ANKRD11: variants seen among roughly 807,000 people sequenced by gnomAD.
ANKRD11 encodes the protein ankyrin repeat domain 11, also known as ankyrin repeat domain-containing protein 11.
In ANKRD11, 17 loss-of-function variants were observed where a neutral mutation model predicts 195.7. The ratio of observed to expected loss-of-function variants is 0.09; its 90% CI spans 0.06 to 0.13. The LOEUF (loss-of-function observed/expected upper bound fraction) is 0.13. Ranked by LOEUF, ANKRD11 falls within the 10% of genes least tolerant of loss-of-function variation. The pLI, the probability that ANKRD11 is intolerant of heterozygous loss-of-function variation, is 1.00. For missense variants in ANKRD11, 3,735 were observed against 3,566.1 expected (o/e 1.05, Z -1.21); for synonymous variants, 1,953 against 1,528.1 (o/e 1.28, Z -6.49).
At chr16:89,483,925 T>G (rs1452958913) in intron 1 of ANKRD11, among the ~76,000 whole-genome samples, 1 of 152,188 alleles carries the variant, frequency 6.6e-6, no homozygotes, top group Non-Finnish European at 1.5e-5. Context: ...CAAAAATATC[T>G]ATGTATGTAA....
intron 1 of ANKRD11, among the ~76,000 whole-genome samples, chr16:89,486,164 A>G (rs1201418091): frequency 6.6e-6 from 1 of 152,236 alleles, no homozygotes; most frequent in Non-Finnish European, 1.5e-5. Context: ...AATGAAAACA[A>G]AAGGGGGCTG....
chr16:89,433,918 G>A (rs1308102885), intron 1 of ANKRD11, among the ~76,000 whole-genome samples: 1 of 152,192 alleles, frequency 6.6e-6, no homozygotes, highest in African/African-American at 2.4e-5. Flanking sequence ...ATCGACATCT[G>A]GTATTAACAT....
At position 89,283,523 on chromosome 16, in the gene ANKRD11, G is replaced by C. The variant is rs752918694; in HGVS notation, c.3019C>G (p.Arg1007Gly). 2.4e-5 allele frequency: 38 copies of C among 1,612,704 alleles called. No individual in the cohort carries two copies. The highest frequency in any genetic ancestry group is 3.1e-5 in the Non-Finnish European group (37 of 1,179,970). ...GGGCCATCCTTCTTCTCCTTCTCTCGTGCTGGGTGGTGCCGTTCCCACGGC... is the reference window on the plus strand; with the variant it reads ...GGGCCATCCTTCTTCTCCTTCTCTCCTGCTGGGTGGTGCCGTTCCCACGGC... ...LEPWERHHPA[R>G]EKEKKDGPDK... is the part of the protein sequence containing the mutation. The change falls in exon 9 of 13, where the codon CGA becomes GGA. Residue 1007 changes from arginine to glycine, a missense_variant. Arg to Gly is a moderately radical substitution (Grantham distance 125). Transcript: ENST00000301030. The surrounding 1 kb of genome is among the most constrained non-coding windows in gnomAD (Gnocchi z 4.3).
chr16:89,401,223 C>T (rs926001651), intron 2 of ANKRD11, among the ~76,000 whole-genome samples: 3 of 151,966 alleles, frequency 2.0e-5, no homozygotes, highest in South Asian at 2.1e-4. Context: ...CCTTCCAAGA[C>T]GGCCGCCACC....
intron 3 of ANKRD11, chr16:89,313,364 C>T (rs905750455): frequency 3.7e-5 from 47 of 1,287,622 alleles, no homozygotes; most frequent in Admixed American, 1.1e-4. Flanking sequence ...CTGGTTCTTC[C>T]CGAGGCAGCT....
At chr16:89,335,914 C>A (rs899471078) in intron 2 of ANKRD11, among the ~76,000 whole-genome samples, 1 of 152,220 alleles carries the variant, frequency 6.6e-6, no homozygotes, top group Non-Finnish European at 1.5e-5. Flanking sequence ...ACTGGCCAGA[C>A]CCCTGCCTGT....
intron 3 of ANKRD11, 70 bp from the exon 4 acceptor site, chr16:89,305,414 C>CAT (rs1567614590): frequency 3.1e-6 from 5 of 1,604,566 alleles, no homozygotes. Context: ...GATTTTGTTT[C>CAT]ATATGCCAGG....
intron 2 of ANKRD11, among the ~76,000 whole-genome samples, chr16:89,366,972 G>T (rs1445230898): frequency 6.6e-6 from 1 of 152,230 alleles, no homozygotes; most frequent in Non-Finnish European, 1.5e-5. Flanking sequence ...GGCTGGATTA[G>T]GTCCGCTGAT....
chr16:89,372,462 C>A lies in ANKRD11; in HGVS notation c.-60+45822G>T, dbSNP rs931341825. 2.7e-4 allele frequency among the ~76,000 whole-genome samples: 41 copies of A among 152,272 alleles called. 1 individual carries two copies. The highest frequency in any genetic ancestry group is 2.6e-3 in the Admixed American group (40 of 15,298). On this transcript the variant is annotated intron_variant, in intron 2 of 12. Transcript: ENST00000301030. Reference sequence around the variant, plus strand: ...GAGGCGGCTCAGGGCACCAGCTGCCCACTGAGTCACTGTGAGAAGAGCGAA... The same window carrying A: ...GAGGCGGCTCAGGGCACCAGCTGCCAACTGAGTCACTGTGAGAAGAGCGAA...
intron 1 of ANKRD11, among the ~76,000 whole-genome samples, chr16:89,469,060 G>A (rs954219008): frequency 3.9e-5 from 6 of 152,056 alleles, no homozygotes; most frequent in African/African-American, 1.4e-4. Flanking sequence ...AAACATCATG[G>A]TTAATGGTGA....
intron 1 of ANKRD11, among the ~76,000 whole-genome samples, chr16:89,439,177 A>AC (rs2043341343): frequency 6.6e-6 from 1 of 152,020 alleles, no homozygotes; most frequent in Non-Finnish European, 1.5e-5. Context: ...CTTCTTTCCT[A>AC]CCCGCAGCAC....
Position 89,291,957 on chromosome 16 carries a change from A to G in ANKRD11, c.227-774T>C, listed in dbSNP as rs902956913. 6.6e-6 allele frequency among the ~76,000 whole-genome samples: 1 copy of G among 152,084 alleles called. No individual in the cohort carries two copies. Among genetic ancestry groups the G allele is most frequent in the African/African-American group, 2.4e-5 (1 of 41,410 alleles). Reference sequence around the variant, plus strand: ...AAAGAGGCAGGAGGCAGGGGCGGGGAAGAGAAGACCCCAAGCACCAAGAGT... The same window carrying G: ...AAAGAGGCAGGAGGCAGGGGCGGGGGAGAGAAGACCCCAAGCACCAAGAGT... On this transcript the variant is annotated intron_variant, in intron 4 of 12. Transcript: ENST00000301030. The surrounding 1 kb of genome is among the most constrained non-coding windows in gnomAD (Gnocchi z 5.3).
chr16:89,386,244 T>TA (rs1473646226), intron 2 of ANKRD11, among the ~76,000 whole-genome samples: 1 of 151,784 alleles, frequency 6.6e-6, no homozygotes, highest in Non-Finnish European at 1.5e-5. Context: ...AATGACCAAA[T>TA]AAAAAATGAC....
chr16:89,298,280 G>C (rs936961653), intron 4 of ANKRD11: 4 of 152,216 alleles, frequency 2.6e-5, no homozygotes, highest in Admixed American at 6.5e-5. Flanking sequence ...CAGCATCGTG[G>C]GTATTTTAAA....
chr16:89,346,931 AG>A (rs1226301367), intron 2 of ANKRD11, among the ~76,000 whole-genome samples: 1 of 152,268 alleles, frequency 6.6e-6, no homozygotes, highest in Non-Finnish European at 1.5e-5. Context: ...TATAAAATAG[AG>A]AACAAGCTAC....
At chr16:89,406,994 G>A (rs948967072) in intron 2 of ANKRD11, among the ~76,000 whole-genome samples, 8 of 152,080 alleles carry the variant, frequency 5.3e-5, no homozygotes, top group African/African-American at 1.9e-4. Context: ...AGACCAGCCT[G>A]GACAATATGG....
chr16:89,333,412 C>T lies in ANKRD11; in HGVS notation c.-59-16334G>A, dbSNP rs565079445. Among the ~76,000 whole-genome samples the T allele has an allele frequency of 1.2e-4, 19 of 152,210 alleles. No individual in the cohort carries two copies. The East Asian group carries it at 2.1e-3, about 17-fold the overall frequency. On this transcript the variant is annotated intron_variant, in intron 2 of 12. Coordinates refer to ENST00000301030, the MANE Select transcript of ANKRD11 (RefSeq NM_013275.6). ...GCACGACCTCAGGGTCCACCGGGTG[C>T]TGTGCAGTCTATGGTTGGACGAACG...
chr16:89,385,418 C>T (rs543684506), intron 2 of ANKRD11, among the ~76,000 whole-genome samples: 5 of 152,242 alleles, frequency 3.3e-5, no homozygotes, highest in South Asian at 2.1e-4. Flanking sequence ...CGTGAGCCAC[C>T]GGACCCAGCA....
chr16:89,323,222 G>C (rs1377492911), intron 2 of ANKRD11: 8 of 1,081,246 alleles, frequency 7.4e-6, no homozygotes, highest in South Asian at 2.6e-5. Context: ...ACTGAGCGGA[G>C]GAAAAAAGAA....
Sources: allele counts gnomAD v4.1 joint callset (sites outside exome capture counted in the v4.1 genomes callset), GRCh38; gene constraint gnomAD v4.1.1; non-coding constraint Gnocchi (gnomAD v3.1); transcripts MANE v1.5; gene names NCBI Gene and HGNC (gene_info 2026-07-23, HGNC 2026-07-21).